Variants in ASAP2 observed in about 807,000 individuals in gnomAD.
ASAP2 encodes the protein arf-GAP with SH3 domain, ANK repeat and PH domain-containing protein 2.
Under a neutral mutation model 131.4 loss-of-function variants are expected in ASAP2, and 45 were observed. That is an observed-to-expected ratio of 0.34 (90% CI 0.27 to 0.44). The LOEUF (loss-of-function observed/expected upper bound fraction) is 0.44, where lower values mean the gene tolerates loss of function less well. ASAP2 is among the 20% of genes least tolerant of loss of function. ASAP2 has a pLI of 1.00. For synonymous variants in ASAP2, 510 were observed against 503.0 expected, an observed-to-expected ratio of 1.01 and a Z score of -0.19; for missense variants, 1,011 against 1,297.0, an observed-to-expected ratio of 0.78 and a Z score of 3.39.
At chr2:9,372,195 T>C (rs906407449) in intron 16 of ASAP2, among the ~76,000 whole-genome samples, 1 of 152,054 alleles carries the variant, frequency 6.6e-6, no homozygotes, top group African/African-American at 2.4e-5. Flanking sequence ...AACTGTCCAG[T>C]CTAACTGCCT....
At chr2:9,388,212 G>A in intron 21 of ASAP2, 82 bp from the exon 22 acceptor site, 1 of 1,567,172 alleles carries the variant, frequency 6.4e-7, no homozygotes, top group Non-Finnish European at 8.7e-7. Flanking sequence ...TGTCAGTGAG[G>A]TTTTCACCCC....
intron 21 of ASAP2, among the ~76,000 whole-genome samples, chr2:9,386,264 A>C (rs894192079): frequency 1.3e-5 from 2 of 152,124 alleles, no homozygotes; most frequent in South Asian, 2.1e-4. Flanking sequence ...CTGTCTGCTC[A>C]TGGAGTTAAC....
At chr2:9,253,392 G>A (rs1278185459) in intron 1 of ASAP2, among the ~76,000 whole-genome samples, 1 of 150,732 alleles carries the variant, frequency 6.6e-6, no homozygotes, top group East Asian at 1.9e-4. Context: ...TCCAACTCCT[G>A]ACCTCAGGTG....
At chr2:9,270,994 C>T (rs1191656048) in intron 1 of ASAP2, among the ~76,000 whole-genome samples, 7 of 151,474 alleles carry the variant, frequency 4.6e-5, no homozygotes, top group African/African-American at 1.5e-4. Context: ...GGGGTTTCAC[C>T]GTGTTAGCCA....
chr2:9,277,779 T>C (rs1386796917), intron 1 of ASAP2, among the ~76,000 whole-genome samples: 5 of 152,314 alleles, frequency 3.3e-5, no homozygotes, highest in African/African-American at 7.2e-5. Context: ...CTTGGACAAA[T>C]GTATAATGAC....
chr2:9,346,385 G>A (rs1431282446), intron 11 of ASAP2, among the ~76,000 whole-genome samples: 2 of 148,922 alleles, frequency 1.3e-5, no homozygotes, highest in Admixed American at 6.7e-5. Context: ...GTGGTGAGCC[G>A]ATATCACGCC....
chr2:9,239,907 A>T (rs541959903), intron 1 of ASAP2, among the ~76,000 whole-genome samples: 21 of 151,662 alleles, frequency 1.4e-4, no homozygotes, highest in Non-Finnish European at 2.8e-4. Flanking sequence ...TTTTGTAGAG[A>T]TGAGTTTTTG....
chr2:9,246,727 C>T (rs564191178), intron 1 of ASAP2, among the ~76,000 whole-genome samples: 1 of 152,310 alleles, frequency 6.6e-6, no homozygotes, highest in East Asian at 1.9e-4. Flanking sequence ...CTTGATCTTT[C>T]TTGTCACATC....
chr2:9,257,853 A>T (rs971119677), intron 1 of ASAP2, among the ~76,000 whole-genome samples: 4 of 152,178 alleles, frequency 2.6e-5, no homozygotes, highest in Admixed American at 2.6e-4. Context: ...AAAAAAGAGA[A>T]TACAAAGGTG....
chr2:9,269,621 C>G (rs115311832), intron 1 of ASAP2, among the ~76,000 whole-genome samples: 1 of 152,164 alleles, frequency 6.6e-6, no homozygotes, highest in East Asian at 1.9e-4. Context: ...GTGGTGGCAC[C>G]GCCCTCAGGC....
chr2:9,378,899 G>C (rs896926645), intron 18 of ASAP2, 45 bp from the exon 19 acceptor site: 1 of 1,338,676 alleles, frequency 7.5e-7, no homozygotes, highest in Non-Finnish European at 9.7e-7. Flanking sequence ...TGGTCGTCCA[G>C]CCTGTGACAC....
intron 3 of ASAP2, among the ~76,000 whole-genome samples, chr2:9,300,283 C>T (rs1668402762): frequency 6.6e-6 from 1 of 152,246 alleles, no homozygotes; most frequent in Non-Finnish European, 1.5e-5. Flanking sequence ...GCTCAGAGTC[C>T]TTGCCTAGGC....
intron 1 of ASAP2, among the ~76,000 whole-genome samples, chr2:9,212,940 T>C (rs1402382078): frequency 6.6e-6 from 1 of 152,242 alleles, no homozygotes; most frequent in African/African-American, 2.4e-5. Flanking sequence ...CTTGGGCGTT[T>C]GTGAAGCAGA....
chr2:9,313,731 G>A (rs917712436), intron 3 of ASAP2, among the ~76,000 whole-genome samples: 1 of 150,886 alleles, frequency 6.6e-6, no homozygotes, highest in Non-Finnish European at 1.5e-5. Flanking sequence ...TAGATGAGTG[G>A]GCAGTGAGCA....
At chr2:9,319,523 T>A (rs1194437696) in intron 4 of ASAP2, among the ~76,000 whole-genome samples, 2 of 152,208 alleles carry the variant, frequency 1.3e-5, no homozygotes, top group East Asian at 3.9e-4. Context: ...AAGGCGCAGG[T>A]GCGCACAGGG....
chr2:9,316,584 G>A (rs1037828494), intron 3 of ASAP2, among the ~76,000 whole-genome samples: 1 of 152,116 alleles, frequency 6.6e-6, no homozygotes, highest in Non-Finnish European at 1.5e-5. Context: ...AGTGGTCCAA[G>A]CCTGGGAAGT....
intron 16 of ASAP2, among the ~76,000 whole-genome samples, chr2:9,369,239 G>A (rs1442827483): frequency 2.0e-5 from 3 of 152,126 alleles, no homozygotes; most frequent in Admixed American, 6.5e-5. Flanking sequence ...GGCTGGACTC[G>A]AACTCCTGAC....
chr2:9,313,450 A>G (rs1346768166), intron 3 of ASAP2, among the ~76,000 whole-genome samples: 1 of 152,200 alleles, frequency 6.6e-6, no homozygotes, highest in Non-Finnish European at 1.5e-5. Context: ...CGCTTCATGA[A>G]AAACCTAAGA....
chr2:9,273,898 A>C (rs111550032), intron 1 of ASAP2, among the ~76,000 whole-genome samples: 220 of 152,340 alleles, frequency 1.4e-3, no homozygotes, highest in African/African-American at 4.7e-3. Flanking sequence ...TTAGTCCTGC[A>C]AAGGCTGTCT....
Sources: allele counts gnomAD v4.1 joint callset (sites outside exome capture counted in the v4.1 genomes callset), GRCh38; gene constraint gnomAD v4.1.1; transcripts MANE v1.5; gene names NCBI Gene and HGNC (gene_info 2026-07-23, HGNC 2026-07-21).